Variants in CATSPERB observed in about 807,000 individuals in gnomAD.
The protein encoded by CATSPERB is catsper channel auxiliary subunit beta, also known as cation channel sperm-associated auxiliary subunit beta.
Under a neutral mutation model 128.3 loss-of-function variants are expected in CATSPERB, and 93 were observed. The ratio of observed to expected loss-of-function variants is 0.72; its 90% CI spans 0.61 to 0.86. The LOEUF (loss-of-function observed/expected upper bound fraction) is 0.86. Among genes scored for constraint, CATSPERB ranks in the 40% least tolerant of loss-of-function variants. The pLI is 0.00. For missense variants in CATSPERB, 1,153 were observed against 1,329.5 expected, an observed-to-expected ratio of 0.87 and a Z score of 2.06; for synonymous variants, 381 against 448.8, an observed-to-expected ratio of 0.85 and a Z score of 1.91.
chr14:91,582,879 C>T (rs969943866), intron 26 of CATSPERB, among the ~76,000 whole-genome samples: 2 of 152,310 alleles, frequency 1.3e-5, no homozygotes, highest in East Asian at 3.9e-4. Flanking sequence ...GGATGCAGGA[C>T]AGGAACATGG....
At chr14:91,603,138 C>T (rs1704655) in intron 22 of CATSPERB, 600,169 of 787,102 alleles carry the variant, frequency 0.76, 231,592 homozygotes, top group East Asian at 0.97. Flanking sequence ...GGTATCCACT[C>T]TTCCTTGTAT....
chr14:91,639,318 C>A, intron 15 of CATSPERB, 68 bp from the exon 16 acceptor site: 1 of 1,319,690 alleles, frequency 7.6e-7, no homozygotes, highest in South Asian at 1.4e-5. Flanking sequence ...TAATATCATA[C>A]CTTGTAAAGA....
At chr14:91,634,486 C>A (rs955425724) in intron 17 of CATSPERB, among the ~76,000 whole-genome samples, 2 of 151,738 alleles carry the variant, frequency 1.3e-5, no homozygotes, top group Admixed American at 1.3e-4. Context: ...AGAGATTTAC[C>A]ATTAGATCCA....
intron 7 of CATSPERB, among the ~76,000 whole-genome samples, chr14:91,700,515 T>C (rs1895629044): frequency 1.3e-5 from 2 of 152,174 alleles, no homozygotes; most frequent in South Asian, 4.1e-4. Flanking sequence ...CTAGTAGAAT[T>C]TGGCTGTGAA....
Position 91,672,924 on chromosome 14 carries a change from C to T in CATSPERB, c.1071G>A (p.Val357=), listed in dbSNP as rs1444383747. Residue 357 remains valine (V), a synonymous_variant, in exon 13 of 27, where the codon GTG becomes GTA. Transcript: ENST00000256343. ...GCTCTTGGTCAACAAGAAATGTTAGCACAGTTGGAAAAATTTTTATTCCTT... is the reference window on the plus strand; with the variant it reads ...GCTCTTGGTCAACAAGAAATGTTAGTACAGTTGGAAAAATTTTTATTCCTT... The part of the protein sequence containing the change: ...IFKGIKIFPT[V]LTFLVDQERG... 4 of 1,603,304 alleles carry T rather than the reference C, an allele frequency of 2.5e-6. No homozygotes were observed. In the Admixed American group the frequency reaches 7.1e-5, roughly 28 times the overall value.
At chr14:91,622,671 A>C (rs1566707564) in intron 18 of CATSPERB, among the ~76,000 whole-genome samples, 1 of 152,196 alleles carries the variant, frequency 6.6e-6, no homozygotes, top group Non-Finnish European at 1.5e-5. Context: ...AATTATGCAC[A>C]CATGCTCCAA....
intron 7 of CATSPERB, among the ~76,000 whole-genome samples, chr14:91,697,053 C>T (rs113918001): frequency 2.6e-5 from 4 of 152,048 alleles, no homozygotes; most frequent in East Asian, 3.9e-4. Context: ...AATATACAAG[C>T]GAAGAGTGAT....
At chr14:91,593,734 G>A (rs1893450974) in intron 22 of CATSPERB, among the ~76,000 whole-genome samples, 1 of 152,146 alleles carries the variant, frequency 6.6e-6, no homozygotes, top group Non-Finnish European at 1.5e-5. Context: ...AAGACTTTAG[G>A]GAAGTGTTGG....
chr14:91,719,774 T>C (rs548483490), intron 4 of CATSPERB, among the ~76,000 whole-genome samples: 1 of 152,306 alleles, frequency 6.6e-6, no homozygotes, highest in East Asian at 1.9e-4. Flanking sequence ...CAAGCTTATG[T>C]AGCACATAGT....
intron 4 of CATSPERB, among the ~76,000 whole-genome samples, chr14:91,720,451 A>C (rs1455905273): frequency 6.6e-6 from 1 of 151,580 alleles, no homozygotes; most frequent in Non-Finnish European, 1.5e-5. Flanking sequence ...TGCAGTGAAC[A>C]ATCTGAAAAT....
chr14:91,725,053 A>G (rs747222499), intron 3 of CATSPERB, 27 bp downstream of exon 3: 3 of 1,242,250 alleles, frequency 2.4e-6, no homozygotes, highest in East Asian at 2.4e-5. Context: ...GTGAAGGGTT[A>G]TAACACATGC....
chr14:91,646,918 T>C (rs1336574677), intron 15 of CATSPERB, among the ~76,000 whole-genome samples: 1 of 152,240 alleles, frequency 6.6e-6, no homozygotes, highest in East Asian at 1.9e-4. Context: ...AATAAATGTT[T>C]GTTTAAAAAA....
intron 17 of CATSPERB, among the ~76,000 whole-genome samples, chr14:91,628,148 T>C (rs964708527): frequency 6.2e-4 from 94 of 152,304 alleles, no homozygotes; most frequent in African/African-American, 2.1e-3. Context: ...TTTGTTTTTT[T>C]GTTTTGTTTT....
In CATSPERB at chr14:91,596,554, G is replaced by A. The variant is rs145536918; in HGVS notation, c.2710-4552C>T. 1.2e-3 allele frequency among the ~76,000 whole-genome samples: 190 copies of A among 152,198 alleles called. 1 individual carries two copies. The highest frequency in any genetic ancestry group is 3.7e-3 in the African/African-American group (152 of 41,524). On this transcript the variant is annotated intron_variant, in intron 22 of 26. Transcript: ENST00000256343. ...TAAAACAAGGCAAAACAAGACAATT[G>A]TCTGTGGATGAAAAAAAGTTTTAAG...
chr14:91,661,215 T>A (rs1731952947), intron 14 of CATSPERB, among the ~76,000 whole-genome samples: 1 of 152,154 alleles, frequency 6.6e-6, no homozygotes, highest in African/African-American at 2.4e-5. Flanking sequence ...CGAACTTGTA[T>A]CATATTGTAC....
chr14:91,624,079 G>A (rs889351518), intron 18 of CATSPERB, among the ~76,000 whole-genome samples: 14 of 152,168 alleles, frequency 9.2e-5, no homozygotes, highest in African/African-American at 2.2e-4. Flanking sequence ...AGAGTGTGGT[G>A]GCTAATGCCT....
chr14:91,663,650 A>G (rs1281306900), intron 14 of CATSPERB, among the ~76,000 whole-genome samples: 3 of 151,544 alleles, frequency 2.0e-5, no homozygotes, highest in African/African-American at 4.8e-5. Context: ...GTCTCAAAAA[A>G]AAAAAAAAAA....
At chr14:91,684,457 T>C (rs1895339975) in intron 10 of CATSPERB, among the ~76,000 whole-genome samples, 1 of 152,206 alleles carries the variant, frequency 6.6e-6, no homozygotes, top group African/African-American at 2.4e-5. Context: ...TATTTTATTA[T>C]AGGAAGATTC....
In CATSPERB at chr14:91,633,099, C is replaced by T. The variant is rs538562553; in HGVS notation, c.1742+3326G>A. Among the ~76,000 whole-genome samples, 5 of 152,290 alleles carry T rather than the reference C, an allele frequency of 3.3e-5. No homozygotes were observed. In the South Asian group the frequency reaches 6.2e-4, roughly 19 times the overall value. ...TCACAACTTACTACTTTTTGTTCAACCCAGTATATACATGTTCAACTCTAA... is the reference window on the plus strand; with the variant it reads ...TCACAACTTACTACTTTTTGTTCAATCCAGTATATACATGTTCAACTCTAA... On this transcript the variant is annotated intron_variant, in intron 17 of 26. Transcript: ENST00000256343.
Sources: gnomAD v4.1 joint callset for allele counts (sites outside exome capture counted in the v4.1 genomes callset) on GRCh38, gnomAD v4.1.1 for gene constraint, MANE v1.5 for transcripts, NCBI Gene and HGNC (gene_info 2026-07-23, HGNC 2026-07-21) for gene names.